The following UVRAG variants were observed in gnomAD, a reference collection of about 807,000 sequenced individuals.
UVRAG encodes the protein UV radiation resistance associated, also known as UV radiation resistance-associated gene protein.
UVRAG carries 19 observed loss-of-function variants against 78.0 expected under a neutral mutation model. That is an observed-to-expected ratio of 0.24 (90% CI 0.17 to 0.36). The LOEUF is 0.36. UVRAG is among the 10% of genes least tolerant of loss of function. UVRAG has a pLI of 1.00. For missense variants in UVRAG, 740 were observed against 853.8 expected, an observed-to-expected ratio of 0.87 and a Z score of 1.66; for synonymous variants, 323 against 324.6, an observed-to-expected ratio of 1.00 and a Z score of 0.05.
chr11:76,044,305 A>C (rs1179154990), intron 12 of UVRAG, among the ~76,000 whole-genome samples: 1 of 152,236 alleles, frequency 6.6e-6, no homozygotes, highest in Non-Finnish European at 1.5e-5. Flanking sequence ...AGTCTCTGTC[A>C]CAGGGTTGTT....
At chr11:75,867,504 A>G (rs1369054368) in intron 3 of UVRAG, among the ~76,000 whole-genome samples, 1 of 152,212 alleles carries the variant, frequency 6.6e-6, no homozygotes, top group Non-Finnish European at 1.5e-5. Context: ...ATTATGTGAA[A>G]TCACAGAATT....
intron 8 of UVRAG, among the ~76,000 whole-genome samples, chr11:75,992,071 T>A (rs1422877806): frequency 6.6e-6 from 1 of 152,096 alleles, no homozygotes; most frequent in Non-Finnish European, 1.5e-5. Flanking sequence ...ATACTACATA[T>A]TAGTACCCAG....
At chr11:75,861,856 A>C in intron 3 of UVRAG, 76 bp downstream of exon 3, 5 of 1,271,270 alleles carry the variant, frequency 3.9e-6, no homozygotes, top group South Asian at 1.3e-5. Context: ...ATGTAAAATA[A>C]GTTGAGGTTC....
intron 8 of UVRAG, among the ~76,000 whole-genome samples, chr11:75,997,922 A>G (rs1057447642): frequency 2.0e-5 from 3 of 152,168 alleles, no homozygotes; most frequent in Admixed American, 2.0e-4. Context: ...CTGCTTTCTA[A>G]ACATAATGGA....
At chr11:75,891,540 C>T (rs1301541018) in intron 5 of UVRAG, among the ~76,000 whole-genome samples, 1 of 152,138 alleles carries the variant, frequency 6.6e-6, no homozygotes, top group Admixed American at 6.5e-5. Flanking sequence ...CCCCAAGAAC[C>T]TTATAGCCAA....
At chr11:75,878,900 A>AGG (rs777135319) in intron 3 of UVRAG, among the ~76,000 whole-genome samples, 5,751 of 81,018 alleles carry the variant, frequency 0.071, 167 homozygotes, top group South Asian at 0.1. Flanking sequence ...GGACAGGGAC[A>AGG]GGGAGGGGGA....
chr11:75,911,750 C>T, intron 5 of UVRAG: 2 of 422,202 alleles, frequency 4.7e-6, no homozygotes. Flanking sequence ...TCAGATCCCC[C>T]TGCCAAAATT....
At chr11:76,109,203 A>G (rs1398160905) in intron 13 of UVRAG, among the ~76,000 whole-genome samples, 1 of 152,184 alleles carries the variant, frequency 6.6e-6, no homozygotes, top group Admixed American at 6.6e-5. Flanking sequence ...GAAGTGTGGG[A>G]TTGATAATAG....
At chr11:75,953,527 G>GT (rs1948742697) in intron 6 of UVRAG, among the ~76,000 whole-genome samples, 1 of 152,090 alleles carries the variant, frequency 6.6e-6, no homozygotes, top group African/African-American at 2.4e-5. Flanking sequence ...CACTGCCTTT[G>GT]TAGGTATTCT....
chr11:75,903,953 A>C (rs2134997981), intron 5 of UVRAG, among the ~76,000 whole-genome samples: 1 of 152,374 alleles, frequency 6.6e-6, no homozygotes. Flanking sequence ...CTCTCAAAAT[A>C]TATAGTAACA....
rs191760533 is a variant in UVRAG, at chr11:75,937,831, C to G, written c.594-23613C>G. Among the ~76,000 whole-genome samples the G allele has an allele frequency of 2.0e-5, 3 of 151,920 alleles. No homozygotes were observed. In the East Asian group the frequency reaches 5.8e-4, roughly 29 times the overall value. Reference sequence around the variant, plus strand: ...ATTATTCAAGTATTATTTTTTCTGTCTCCTCCTTCATTATTTTCCCCTTCA... The same window carrying G: ...ATTATTCAAGTATTATTTTTTCTGTGTCCTCCTTCATTATTTTCCCCTTCA... On this transcript the variant is annotated intron_variant, in intron 6 of 14. Coordinates refer to ENST00000356136, the MANE Select transcript of UVRAG (RefSeq NM_003369.4).
At chr11:75,847,844 G>A (rs571631191) in intron 1 of UVRAG, among the ~76,000 whole-genome samples, 11 of 151,746 alleles carry the variant, frequency 7.2e-5, no homozygotes, top group East Asian at 2.0e-4. Context: ...GGTGGTATGC[G>A]CCTACAGTCC....
intron 12 of UVRAG, among the ~76,000 whole-genome samples, chr11:76,040,992 G>A (rs1167828139): frequency 2.6e-5 from 4 of 152,084 alleles, no homozygotes; most frequent in Admixed American, 6.6e-5. Context: ...TAGAAAGACT[G>A]ATTAACAATT....
chr11:75,981,358 C>T (rs1949388125), intron 7 of UVRAG, among the ~76,000 whole-genome samples: 1 of 152,072 alleles, frequency 6.6e-6, no homozygotes, highest in African/African-American at 2.4e-5. Flanking sequence ...GTGATCTGCC[C>T]ACCTCAGCCT....
At chr11:75,818,946 C>T (rs1057283511) in intron 1 of UVRAG, among the ~76,000 whole-genome samples, 3 of 152,102 alleles carry the variant, frequency 2.0e-5, no homozygotes, top group African/African-American at 4.8e-5. Context: ...CATGTTTAGC[C>T]ACATCCCAAG....
At chr11:75,970,731 T>TAA (rs1949107153) in intron 7 of UVRAG, among the ~76,000 whole-genome samples, 1 of 108,560 alleles carries the variant, frequency 9.2e-6, no homozygotes, top group African/African-American at 4.5e-5. Context: ...AGACTCCATC[T>TAA]CAAAAAAAAA....
intron 5 of UVRAG, among the ~76,000 whole-genome samples, chr11:75,900,308 C>A (rs1031108508): frequency 1.3e-5 from 2 of 152,058 alleles, no homozygotes; most frequent in Non-Finnish European, 2.9e-5. Flanking sequence ...CATTTTTGAG[C>A]CTCCTCACCC....
At chr11:76,028,777 A>G (rs921743339) in intron 12 of UVRAG, among the ~76,000 whole-genome samples, 1 of 152,180 alleles carries the variant, frequency 6.6e-6, no homozygotes, top group African/African-American at 2.4e-5. Flanking sequence ...GTTTAAGGAA[A>G]GAAGCCATCC....
At chr11:75,831,491 A>C (rs1590909551) in intron 1 of UVRAG, among the ~76,000 whole-genome samples, 1 of 107,904 alleles carries the variant, frequency 9.3e-6, no homozygotes, top group Admixed American at 8.5e-5. Flanking sequence ...TCCTTCTCAA[A>C]AAACAAACAA....
Sources: gnomAD v4.1 joint callset for allele counts (sites outside exome capture counted in the v4.1 genomes callset) on GRCh38, gnomAD v4.1.1 for gene constraint, MANE v1.5 for transcripts, NCBI Gene and HGNC (gene_info 2026-07-23, HGNC 2026-07-21) for gene names.